Variants in ZBTB7C observed in about 807,000 individuals in gnomAD.
The protein encoded by ZBTB7C is zinc finger and BTB domain containing 7C, also known as zinc finger and BTB domain-containing protein 7C.
ZBTB7C carries 8 observed loss-of-function variants against 25.7 expected under a neutral mutation model. The observed-to-expected ratio is 0.31, with a 90% CI of 0.18 to 0.56. The LOEUF is 0.56. ZBTB7C is among the 20% of genes least tolerant of loss of function. The pLI, the probability that ZBTB7C is intolerant of heterozygous loss-of-function variation, is 0.91. For synonymous variants in ZBTB7C, 394 were observed against 369.0 expected (o/e 1.07, Z -0.78); for missense variants, 824 against 855.2 (o/e 0.96, Z 0.46).
chr18:48,151,977 C>T (rs528707705), intron 3 of ZBTB7C, among the ~76,000 whole-genome samples: 1 of 152,232 alleles, frequency 6.6e-6, no homozygotes, highest in African/African-American at 2.4e-5. Flanking sequence ...GGCCAGCCAG[C>T]CCTGTCACAG....
At chr18:48,073,669 CAAG>C (rs2037643459) in intron 3 of ZBTB7C, among the ~76,000 whole-genome samples, 1 of 152,184 alleles carries the variant, frequency 6.6e-6, no homozygotes, top group South Asian at 2.1e-4. Flanking sequence ...TCCCCCCACC[CAAG>C]AAGACCTTAT....
intron 2 of ZBTB7C, among the ~76,000 whole-genome samples, chr18:48,191,399 G>T (rs1396587068): frequency 6.6e-6 from 1 of 152,182 alleles, no homozygotes; most frequent in Admixed American, 6.5e-5. Flanking sequence ...AGCAAACGGG[G>T]CATAATAACG....
intron 3 of ZBTB7C, among the ~76,000 whole-genome samples, chr18:48,111,851 T>G (rs1435716487): frequency 2.6e-5 from 4 of 152,222 alleles, no homozygotes; most frequent in Non-Finnish European, 4.4e-5. Context: ...GGCAGGCAAG[T>G]TAGCAATTTC....
intron 1 of ZBTB7C, among the ~76,000 whole-genome samples, chr18:48,382,734 G>T (rs535633540): frequency 7.9e-5 from 12 of 152,306 alleles, no homozygotes; most frequent in African/African-American, 2.9e-4. Context: ...TACTAAGTAT[G>T]CATAACTCCA....
At position 48,029,931 on chromosome 18, in the gene ZBTB7C, GGTCAGTCCCGCAGGGAA is replaced by G; in HGVS notation, c.1209-37_1209-21del. 1 of 1,609,046 alleles carries G rather than the reference GGTCAGTCCCGCAGGGAA, an allele frequency of 6.2e-7. No homozygotes were observed. Among genetic ancestry groups the G allele is most frequent in the Non-Finnish European group, 8.5e-7 (1 of 1,179,964 alleles). ...TCCTGCCTGCAATGCAGAGACTGGG[GGTCAGTCCCGCAGGGAA>G]CACCAGGAGCCATTCCTAACCTTTT... On this transcript the variant is annotated intron_variant, in intron 4 of 4. Coordinates refer to ENST00000590800, the MANE Select transcript of ZBTB7C (RefSeq NM_001318841.2).
chr18:48,249,871 G>A (rs958625139), intron 2 of ZBTB7C, among the ~76,000 whole-genome samples: 1 of 152,184 alleles, frequency 6.6e-6, no homozygotes, highest in Admixed American at 6.5e-5. Flanking sequence ...GTCGAACAAA[G>A]GAGGAGGCAA....
chr18:48,408,157 C>A (rs953092218), intron 1 of ZBTB7C, among the ~76,000 whole-genome samples: 1 of 152,248 alleles, frequency 6.6e-6, no homozygotes, highest in African/African-American at 2.4e-5. Flanking sequence ...CAGCTCCCCT[C>A]GGCCTTGCGC....
intron 2 of ZBTB7C, among the ~76,000 whole-genome samples, chr18:48,327,268 C>G (rs2046241292): frequency 6.6e-6 from 1 of 152,132 alleles, no homozygotes; most frequent in Non-Finnish European, 1.5e-5. Context: ...GCTCCATGAC[C>G]CACCCCCGAA....
chr18:48,262,417 G>A (rs1445598770), intron 2 of ZBTB7C, among the ~76,000 whole-genome samples: 2 of 152,168 alleles, frequency 1.3e-5, no homozygotes, highest in East Asian at 3.9e-4. Flanking sequence ...GAAGAAGTCT[G>A]CTACTTCCCT....
chr18:48,379,233 G>T (rs1424526293), intron 1 of ZBTB7C, among the ~76,000 whole-genome samples: 1 of 152,012 alleles, frequency 6.6e-6, no homozygotes, highest in Non-Finnish European at 1.5e-5. Flanking sequence ...CTATTCTTTT[G>T]CTAATACCAC....
intron 2 of ZBTB7C, among the ~76,000 whole-genome samples, chr18:48,324,842 G>A (rs1001024175): frequency 6.6e-6 from 1 of 152,174 alleles, no homozygotes; most frequent in Non-Finnish European, 1.5e-5. Flanking sequence ...TCCAGGGAAG[G>A]GGGTGGTGAG....
intron 2 of ZBTB7C, among the ~76,000 whole-genome samples, chr18:48,247,994 T>G (rs1350164518): frequency 6.6e-6 from 1 of 152,154 alleles, no homozygotes; most frequent in Non-Finnish European, 1.5e-5. Flanking sequence ...ACTGTTCTTG[T>G]GGTAGTGAAT....
chr18:48,289,821 G>A (rs965363592), intron 2 of ZBTB7C, among the ~76,000 whole-genome samples: 5 of 152,018 alleles, frequency 3.3e-5, no homozygotes, highest in African/African-American at 7.2e-5. Context: ...ATGGTGTAAC[G>A]GTTAGCACTC....
intron 2 of ZBTB7C, among the ~76,000 whole-genome samples, chr18:48,303,242 T>C (rs1230116857): frequency 6.6e-6 from 1 of 152,162 alleles, no homozygotes; most frequent in Non-Finnish European, 1.5e-5. Flanking sequence ...AAGCCAGTCA[T>C]AACAGTCAAA....
intron 2 of ZBTB7C, among the ~76,000 whole-genome samples, chr18:48,223,743 T>C (rs1481526367): frequency 1.3e-5 from 2 of 152,208 alleles, no homozygotes; most frequent in African/African-American, 4.8e-5. Flanking sequence ...ATGTTCTGTA[T>C]GTATGAAATG....
chr18:48,180,153 C>CCTTCCTTCTT (rs1568282894), intron 3 of ZBTB7C, among the ~76,000 whole-genome samples: 3 of 57,302 alleles, frequency 5.2e-5, no homozygotes, highest in Admixed American at 2.6e-4. Flanking sequence ...CCTTCTTTCC[C>CCTTCCTTCTT]TCCCTCCCTC....
At chr18:48,386,498 G>T (rs925021333) in intron 1 of ZBTB7C, among the ~76,000 whole-genome samples, 2 of 152,222 alleles carry the variant, frequency 1.3e-5, no homozygotes, top group Non-Finnish European at 1.5e-5. Context: ...CATCTAAGCT[G>T]AAGAGACTGG....
intron 2 of ZBTB7C, among the ~76,000 whole-genome samples, chr18:48,210,700 T>A (rs1036405251): frequency 1.3e-5 from 2 of 151,618 alleles, no homozygotes; most frequent in African/African-American, 4.9e-5. Context: ...GTACGAGGTG[T>A]CTCCGGGGGT....
chr18:48,272,652 G>C (rs1204308503), intron 2 of ZBTB7C, among the ~76,000 whole-genome samples: 1 of 152,054 alleles, frequency 6.6e-6, no homozygotes, highest in Non-Finnish European at 1.5e-5. Flanking sequence ...TTCACTCCTA[G>C]GTATAGACCC....
Sources: gnomAD v4.1 joint callset for allele counts (sites outside exome capture counted in the v4.1 genomes callset) on GRCh38, gnomAD v4.1.1 for gene constraint, MANE v1.5 for transcripts, NCBI Gene and HGNC (gene_info 2026-07-23, HGNC 2026-07-21) for gene names.